Variants in SOCS5 observed in about 807,000 individuals in gnomAD.
SOCS5 encodes CIS-6.
SOCS5 carries 32 observed loss-of-function variants against 42.8 expected under a neutral mutation model. That is an observed-to-expected ratio of 0.75 (90% CI 0.56 to 1.01). SOCS5 has a LOEUF of 1.01. SOCS5 is among the 50% of genes least tolerant of loss of function. The probability of loss-of-function intolerance (pLI) is 0.00; values close to 1 mark genes in which losing one functional copy is unlikely to be tolerated. For synonymous variants in SOCS5, 283 were observed against 229.6 expected (o/e 1.23, Z -2.10); for missense variants, 627 against 653.0 (o/e 0.96, Z 0.43).
intron 1 of SOCS5, among the ~76,000 whole-genome samples, chr2:46,748,930 C>G (rs373174380): frequency 6.6e-6 from 1 of 152,162 alleles, no homozygotes; most frequent in Admixed American, 6.5e-5. Flanking sequence ...AGTAGTTCCC[C>G]TAATCAGAGA....
In SOCS5 at chr2:46,758,545, A is replaced by G. The variant is rs150449336; in HGVS notation, c.15A>G (p.Gly5=). Residue 5 remains glycine (G), a synonymous_variant, in exon 2 of 2, where the codon GGA becomes GGG. Coordinates refer to ENST00000394861, the MANE Select transcript of SOCS5 (RefSeq NM_144949.3). MDKV[G]KMWNNFKYRC... ...TTTTATAATCAATGGATAAAGTGGGAAAAATGTGGAATAACTTCAAATACA... is the reference window on the plus strand; with the variant it reads ...TTTTATAATCAATGGATAAAGTGGGGAAAATGTGGAATAACTTCAAATACA... 802 of 1,585,892 alleles carry G rather than the reference A, an allele frequency of 5.1e-4. No homozygotes were observed. The highest frequency in any genetic ancestry group is 6.4e-4 in the Non-Finnish European group (748 of 1,169,470).
At chr2:46,712,045 C>A (rs968152443) in intron 1 of SOCS5, among the ~76,000 whole-genome samples, 18 of 152,024 alleles carry the variant, frequency 1.2e-4, no homozygotes, top group African/African-American at 4.3e-4. Flanking sequence ...ATTGTTTAGA[C>A]TTTTTTTAGG....
At chr2:46,738,071 A>C (rs1673292726) in intron 1 of SOCS5, among the ~76,000 whole-genome samples, 1 of 152,214 alleles carries the variant, frequency 6.6e-6, no homozygotes, top group Non-Finnish European at 1.5e-5. Context: ...AACTTGATGT[A>C]GATGTTAAAA....
At chr2:46,701,934 G>T (rs557227135) in intron 1 of SOCS5, among the ~76,000 whole-genome samples, 1 of 151,244 alleles carries the variant, frequency 6.6e-6, no homozygotes, top group Non-Finnish European at 1.5e-5. Flanking sequence ...AATGGGTTTA[G>T]TACCTTTAAA....
chr2:46,739,808 C>T (rs1311782775), intron 1 of SOCS5, among the ~76,000 whole-genome samples: 1 of 152,004 alleles, frequency 6.6e-6, no homozygotes, highest in East Asian at 1.9e-4. Context: ...TGTCAGTATT[C>T]GTGTGTATAT....
chr2:46,759,797 A>G lies in SOCS5; in HGVS notation c.1267A>G (p.Asn423Asp). 3 of 1,614,170 alleles carry G rather than the reference A, an allele frequency of 1.9e-6. No homozygotes were observed. Among genetic ancestry groups the G allele is most frequent in the South Asian group, 2.2e-5 (2 of 91,082 alleles). ...YLFSVSFRRY[N>D]RSLHARIEQW... ...CTTCTCTGTGAGCTTCCGCCGCTAC[A>G]ACAGATCCCTGCATGCCCGAATTGA... The change falls in exon 2 of 2, where the codon AAC becomes GAC. Residue 423 changes from asparagine to aspartate, a missense_variant. Transcript: ENST00000394861.
Position 46,760,278 on chromosome 2 carries a change from A to G in SOCS5, c.*137A>G, listed in dbSNP as rs1359650453. ...TTAGTGTTAGTATCTGTCAGATGCT[A>G]CCTGCTGTTACTTATTCAGATAAAC... On this transcript the variant is annotated 3_prime_UTR_variant, in exon 2 of 2. Coordinates refer to ENST00000394861, the MANE Select transcript of SOCS5 (RefSeq NM_144949.3). 1.4e-5 allele frequency: 9 copies of G among 641,710 alleles called. No individual in the cohort carries two copies. The East Asian group carries it at 1.9e-4, about 14-fold the overall frequency. The allele number at this position is 641,710 out of a possible 1,614,324, so 39.8% of individuals were successfully genotyped here.
chr2:46,708,046 G>T (rs1035751654), intron 1 of SOCS5, among the ~76,000 whole-genome samples: 2 of 152,218 alleles, frequency 1.3e-5, no homozygotes, highest in Non-Finnish European at 2.9e-5. Context: ...CAAATTGTAA[G>T]TCAGAGACTG....
chr2:46,734,903 C>T (rs1443428175), intron 1 of SOCS5, among the ~76,000 whole-genome samples: 1 of 152,162 alleles, frequency 6.6e-6, no homozygotes, highest in Non-Finnish European at 1.5e-5. Context: ...TGACATCATC[C>T]GCCCCATACA....
intron 1 of SOCS5, among the ~76,000 whole-genome samples, chr2:46,756,837 G>T (rs1673741986): frequency 6.6e-6 from 1 of 152,046 alleles, no homozygotes; most frequent in South Asian, 2.1e-4. Flanking sequence ...TTAAGAAGAA[G>T]AATAAATGAT....
Position 46,759,821 on chromosome 2 carries a change from G to A in SOCS5, c.1291G>A (p.Glu431Lys). ...RYNRSLHARI[E>K]QWNHNFSFDA... is the part of the protein sequence containing the mutation. ...CAACAGATCCCTGCATGCCCGAATT[G>A]AGCAGTGGAATCACAACTTTAGTTT... is the stretch of plus-strand genomic sequence containing the variant. The change falls in exon 2 of 2, where the codon GAG becomes AAG. Residue 431 changes from glutamate to lysine, a missense_variant. Transcript: ENST00000394861. The A allele has an allele frequency of 1.2e-6, 2 of 1,614,160 alleles. No homozygotes were observed. Among genetic ancestry groups the A allele is most frequent in the Non-Finnish European group, 1.7e-6 (2 of 1,180,032 alleles).
intron 1 of SOCS5, among the ~76,000 whole-genome samples, chr2:46,712,167 A>G (rs1263196465): frequency 6.6e-6 from 1 of 152,184 alleles, no homozygotes; most frequent in Non-Finnish European, 1.5e-5. Flanking sequence ...GAAAATTAAC[A>G]TCTTAACATG....
rs558352938 is a variant in SOCS5 at position 46,730,960 on chromosome 2, C to T, written c.-12-27559C>T. 2.9e-3 allele frequency among the ~76,000 whole-genome samples: 439 copies of T among 152,258 alleles called. 2 individuals carry two copies. The highest frequency in any genetic ancestry group is 1.0e-2 in the African/African-American group (414 of 41,544). On this transcript the variant is annotated intron_variant, in intron 1 of 1. Coordinates refer to ENST00000394861, the MANE Select transcript of SOCS5 (RefSeq NM_144949.3). ...TAATAAGGTTGGTGGGGGTTTGGAG[C>T]ACAGCAGGTGTTACTAATTCTCCAT...
At position 46,718,627 on chromosome 2, in the gene SOCS5, G is replaced by A. The variant is rs889595891; in HGVS notation, c.-13+19178G>A. ...AAGGCATTTAAGTTTAATTAACAGA[G>A]CTAAATTTGTTAAATAAAAGCAATA... On this transcript the variant is annotated intron_variant, in intron 1 of 1. Transcript: ENST00000394861. Among the ~76,000 whole-genome samples, 12 of 152,140 alleles carry A rather than the reference G, an allele frequency of 7.9e-5. No homozygotes were observed. In the East Asian group the frequency reaches 1.7e-3, roughly 22 times the overall value.
At chr2:46,730,511 A>G (rs1341052113) in intron 1 of SOCS5, among the ~76,000 whole-genome samples, 3 of 152,168 alleles carry the variant, frequency 2.0e-5, no homozygotes, top group African/African-American at 7.2e-5. Context: ...GAGGCAGGCG[A>G]ATCGCTTGAA....
chr2:46,712,311 T>C (rs1672640628), intron 1 of SOCS5, among the ~76,000 whole-genome samples: 2 of 150,544 alleles, frequency 1.3e-5, no homozygotes, highest in South Asian at 4.2e-4. Context: ...TAGAGCTTTT[T>C]TTTTTCCCAC....
chr2:46,743,481 G>A (rs1436447420), intron 1 of SOCS5, among the ~76,000 whole-genome samples: 1 of 152,172 alleles, frequency 6.6e-6, no homozygotes, highest in Admixed American at 6.5e-5. Flanking sequence ...GTGTAACAGT[G>A]AGGATGACCA....
intron 1 of SOCS5, among the ~76,000 whole-genome samples, chr2:46,726,628 A>T (rs72802445): frequency 0.066 from 10,012 of 152,074 alleles, 393 homozygotes; most frequent in Non-Finnish European, 0.094. Flanking sequence ...TTCAGACTAG[A>T]TCATTTCTAC....
chr2:46,733,569 AAAAAAAAAAAAG>A (rs1180069035), intron 1 of SOCS5, among the ~76,000 whole-genome samples: 1 of 111,750 alleles, frequency 8.9e-6, no homozygotes, highest in East Asian at 2.2e-4. Context: ...ACCCTGTCTC[AAAAAAAAAAAAG>A]AAAAAAAAAA....
Sources: allele counts gnomAD v4.1 joint callset (sites outside exome capture counted in the v4.1 genomes callset), GRCh38; gene constraint gnomAD v4.1.1; transcripts MANE v1.5; gene names NCBI Gene and HGNC (gene_info 2026-07-23, HGNC 2026-07-21).